CFAP54: variants seen among roughly 807,000 people sequenced by gnomAD.
CFAP54 encodes the protein cilia- and flagella-associated protein 54.
In CFAP54, 290 loss-of-function variants were observed where a neutral mutation model predicts 370.4. The ratio of observed to expected loss-of-function variants is 0.78; its 90% CI spans 0.71 to 0.86. The LOEUF (loss-of-function observed/expected upper bound fraction) is 0.86. CFAP54 is among the 40% of genes least tolerant of loss of function. The pLI is 0.00. For missense variants in CFAP54, 3,399 were observed against 3,528.7 expected, an observed-to-expected ratio of 0.96 and a Z score of 0.93; for synonymous variants, 1,206 against 1,236.5, an observed-to-expected ratio of 0.98 and a Z score of 0.52.
intron 36 of CFAP54, among the ~76,000 whole-genome samples, chr12:96,653,887 GAA>G (rs1240611953): frequency 1.3e-5 from 2 of 151,274 alleles, no homozygotes; most frequent in African/African-American, 2.4e-5. Context: ...ACAAAAGTGA[GAA>G]AAGCACAAAT....
intron 26 of CFAP54, among the ~76,000 whole-genome samples, chr12:96,611,799 T>C (rs907966554): frequency 1.3e-5 from 2 of 152,092 alleles, no homozygotes; most frequent in Non-Finnish European, 2.9e-5. Context: ...CAACAGTGAT[T>C]GAAGATCAAA....
intron 39 of CFAP54, among the ~76,000 whole-genome samples, chr12:96,672,131 A>G (rs1351895420): frequency 3.1e-5 from 4 of 128,990 alleles, no homozygotes; most frequent in East Asian, 5.9e-4. Context: ...TAATACAAGG[A>G]AAAAAAAGGA....
intron 41 of CFAP54, 38 bp from the exon 42 acceptor site, chr12:96,684,991 C>G (rs780035333): frequency 6.3e-7 from 1 of 1,595,904 alleles, no homozygotes; most frequent in Admixed American, 1.7e-5. Context: ...TAATGGGTCT[C>G]AGAAAACTTA....
intron 48 of CFAP54, 152 bp from the exon 49 acceptor site, chr12:96,718,291 G>T: frequency 3.9e-6 from 2 of 514,434 alleles, no homozygotes; most frequent in Non-Finnish European, 7.2e-6. Flanking sequence ...CCCAGGAGGT[G>T]AAGGTTGCAG....
At chr12:96,845,462 T>C (rs1959312771) in intron 66 of CFAP54, among the ~76,000 whole-genome samples, 1 of 152,212 alleles carries the variant, frequency 6.6e-6, no homozygotes, top group South Asian at 2.1e-4. Flanking sequence ...TAGCAACTTC[T>C]TTCAACTGAA....
At chr12:96,867,462 T>C (rs1268029761) in intron 67 of CFAP54, among the ~76,000 whole-genome samples, 1 of 152,198 alleles carries the variant, frequency 6.6e-6, no homozygotes, top group East Asian at 1.9e-4. Context: ...CCTGTGTTCA[T>C]TGCAGCATTA....
intron 66 of CFAP54, among the ~76,000 whole-genome samples, chr12:96,832,814 C>G (rs1959175019): frequency 6.6e-6 from 1 of 152,118 alleles, no homozygotes; most frequent in South Asian, 2.1e-4. Context: ...AACATGAGAT[C>G]CTAGTGGTGA....
In CFAP54 at chr12:96,650,086, T is replaced by C. The variant is rs1395729736; in HGVS notation, c.4872+14T>C. The C allele has an allele frequency of 6.3e-7, 1 of 1,597,208 alleles. No homozygotes were observed. The highest frequency in any genetic ancestry group is 8.5e-7 in the Non-Finnish European group (1 of 1,172,984). Reference sequence around the variant, plus strand: ...AGGAGAGCAATGGTAATGCAATCTTTCTTGTTTGCAGTGTAGTAGACATAA... The same window carrying C: ...AGGAGAGCAATGGTAATGCAATCTTCCTTGTTTGCAGTGTAGTAGACATAA... On this transcript the variant is annotated intron_variant, in intron 35 of 67. Coordinates refer to ENST00000524981, the MANE Select transcript of CFAP54 (RefSeq NM_001306084.2).
intron 50 of CFAP54, among the ~76,000 whole-genome samples, chr12:96,729,720 C>G (rs1957895124): frequency 6.6e-6 from 1 of 152,198 alleles, no homozygotes; most frequent in Admixed American, 6.5e-5. Context: ...GTCTGGCACT[C>G]CCTAGTGAGA....
At chr12:96,520,843 C>A (rs1263135292) in intron 6 of CFAP54, among the ~76,000 whole-genome samples, 1 of 152,228 alleles carries the variant, frequency 6.6e-6, no homozygotes, top group East Asian at 1.9e-4. Context: ...ATAAATAAAT[C>A]ATCTGGCCAA....
At chr12:96,662,835 A>G (rs1957010262) in intron 38 of CFAP54, among the ~76,000 whole-genome samples, 1 of 151,992 alleles carries the variant, frequency 6.6e-6, no homozygotes, top group Non-Finnish European at 1.5e-5. Flanking sequence ...AATCTTTGCT[A>G]AATTTTACAT....
At chr12:96,665,968 A>G (rs980891305) in intron 39 of CFAP54, among the ~76,000 whole-genome samples, 8 of 152,076 alleles carry the variant, frequency 5.3e-5, no homozygotes, top group Admixed American at 2.0e-4. Flanking sequence ...ATGTTTTTCC[A>G]TTTGTTTGTG....
At chr12:96,827,729 T>TA (rs1185361663) in intron 65 of CFAP54, among the ~76,000 whole-genome samples, 9 of 124,822 alleles carry the variant, frequency 7.2e-5, no homozygotes, top group African/African-American at 2.4e-4. Flanking sequence ...TATAATTATA[T>TA]TTAATATAAT....
intron 30 of CFAP54, among the ~76,000 whole-genome samples, chr12:96,629,379 C>T (rs1956580331): frequency 6.6e-6 from 1 of 152,002 alleles, no homozygotes; most frequent in African/African-American, 2.4e-5. Context: ...TCTTGGCTCA[C>T]TGCAAGCTCC....
At chr12:96,582,037 C>T (rs1370444302) in intron 22 of CFAP54, among the ~76,000 whole-genome samples, 3 of 152,070 alleles carry the variant, frequency 2.0e-5, no homozygotes, top group Non-Finnish European at 4.4e-5. Context: ...TCAGTAGAGG[C>T]AGAGAGACCT....
At chr12:96,685,964 A>G (rs1957325816) in intron 42 of CFAP54, among the ~76,000 whole-genome samples, 1 of 152,184 alleles carries the variant, frequency 6.6e-6, no homozygotes, top group African/African-American at 2.4e-5. Context: ...GAAACCAGTT[A>G]CTTTCAACAA....
At chr12:96,837,655 A>C (rs550037878) in intron 66 of CFAP54, among the ~76,000 whole-genome samples, 1 of 152,350 alleles carries the variant, frequency 6.6e-6, no homozygotes, top group South Asian at 2.1e-4. Flanking sequence ...GGAATGACTC[A>C]TGATACATCT....
At chr12:96,713,096 A>C (rs998305354) in intron 48 of CFAP54, among the ~76,000 whole-genome samples, 23 of 152,222 alleles carry the variant, frequency 1.5e-4, no homozygotes, top group Non-Finnish European at 8.8e-5. Flanking sequence ...GTGGGAATGT[A>C]AATTAGTACA....
intron 20 of CFAP54, among the ~76,000 whole-genome samples, chr12:96,577,947 A>C (rs1955996496): frequency 6.6e-6 from 1 of 152,052 alleles, no homozygotes; most frequent in Non-Finnish European, 1.5e-5. Flanking sequence ...CTGTAATCCC[A>C]GCTACTCAGG....
Sources: gnomAD v4.1 joint callset for allele counts (sites outside exome capture counted in the v4.1 genomes callset) on GRCh38, gnomAD v4.1.1 for gene constraint, MANE v1.5 for transcripts, NCBI Gene and HGNC (gene_info 2026-07-23, HGNC 2026-07-21) for gene names.